The following DCST2 variants were observed in gnomAD, a reference collection of about 807,000 sequenced individuals.
DCST2 encodes DC-STAMP domain-containing protein 2.
Under a neutral mutation model 81.8 loss-of-function variants are expected in DCST2, and 64 were observed. That is an observed-to-expected ratio of 0.78 (90% CI 0.64 to 0.96). The LOEUF (loss-of-function observed/expected upper bound fraction) is 0.96, where lower values mean the gene tolerates loss of function less well. Ranked by LOEUF, DCST2 falls within the 40% of genes least tolerant of loss-of-function variation. The pLI is 0.00. For missense variants in DCST2, 945 were observed against 1,001.4 expected, an observed-to-expected ratio of 0.94 and a Z score of 0.76; for synonymous variants, 354 against 402.6, an observed-to-expected ratio of 0.88 and a Z score of 1.44.
chr1:155,018,861 G>A, intron 14 of DCST2, 101 bp from the exon 15 acceptor site: 1 of 1,207,010 alleles, frequency 8.3e-7, no homozygotes, highest in Non-Finnish European at 1.2e-6. Flanking sequence ...TCCAGCTCCT[G>A]TTCTTTCTGA....
Position 155,030,207 on chromosome 1 carries a change from C to A in DCST2, c.1054G>T (p.Asp352Tyr). The A allele has an allele frequency of 2.5e-6, 4 of 1,614,136 alleles. No individual in the cohort carries two copies. Among genetic ancestry groups the A allele is most frequent in the Non-Finnish European group, 2.5e-6 (3 of 1,180,022 alleles). The stretch of plus-strand genomic sequence containing the variant: ...GTGATGTAGATATTGTCATAATGGT[C>A]CCAGTTCAGGTAACAATACCGGTAA... Reference protein sequence around the residue: ...LFYRYCYLNWDHYDNIYITSR... With the variant: ...LFYRYCYLNWYHYDNIYITSR... Residue 352 changes from aspartate (D) to tyrosine (Y), a missense_variant, in exon 7 of 15, where the codon GAC becomes TAC. Physicochemically the swap from Asp to Tyr is radical, Grantham distance 160. Coordinates refer to ENST00000368424, the MANE Select transcript of DCST2 (RefSeq NM_144622.3).
chr1:155,032,996 A>G, intron 2 of DCST2, 98 bp downstream of exon 2: 1 of 1,345,270 alleles, frequency 7.4e-7, no homozygotes, highest in Admixed American at 2.7e-5. Context: ...CTCCGCGATT[A>G]GCACCAGCAG....
chr1:155,018,739 C>T lies in DCST2; in HGVS notation c.2127G>A (p.Gly709=). The change falls in exon 15 of 15, where the codon GGG becomes GGA. Residue 709 remains glycine (G), a synonymous_variant. Coordinates refer to ENST00000368424, the MANE Select transcript of DCST2 (RefSeq NM_144622.3). ...GCTGCCCGTGCTTCCTCTGCTGAGGCCCCTTCTCCTCATCCAGGTCACTAG... is the reference window on the plus strand; with the variant it reads ...GCTGCCCGTGCTTCCTCTGCTGAGGTCCCTTCTCCTCATCCAGGTCACTAG... The part of the protein sequence containing the change: ...SESSDLDEEK[G]PQQRKHGQQP... 2 of 1,613,306 alleles carry T rather than the reference C, an allele frequency of 1.2e-6. No individual in the cohort carries two copies. The highest frequency in any genetic ancestry group is 1.3e-5 in the African/African-American group (1 of 74,946).
intron 7 of DCST2, 149 bp from the exon 8 acceptor site, chr1:155,029,546 G>T: frequency 1.2e-6 from 1 of 804,426 alleles, no homozygotes; most frequent in Non-Finnish European, 1.9e-6. Context: ...TGAGGACTCT[G>T]GCAAGGATGG....
At chr1:155,026,442 A>G in intron 9 of DCST2, 40 bp from the exon 10 acceptor site, 1 of 1,613,260 alleles carries the variant, frequency 6.2e-7, no homozygotes, top group Non-Finnish European at 8.5e-7. Context: ...ACCAGCAGGC[A>G]CAAGTGCCAG....
intron 10 of DCST2, among the ~76,000 whole-genome samples, chr1:155,025,162 A>AG (rs912029238): frequency 5.3e-5 from 8 of 151,412 alleles, no homozygotes; most frequent in Admixed American, 1.3e-4. Context: ...AAAAAAAAAA[A>AG]AAAGAAAAGA....
chr1:155,031,064 T>C (rs1283040220), intron 5 of DCST2, 105 bp downstream of exon 5: 12 of 1,234,096 alleles, frequency 9.7e-6, no homozygotes, highest in Non-Finnish European at 1.4e-5. Context: ...TTCTCTTACA[T>C]TCTCCTTTAT....
chr1:155,026,994 C>G (rs1243495649), intron 8 of DCST2, among the ~76,000 whole-genome samples: 1 of 151,052 alleles, frequency 6.6e-6, no homozygotes, highest in Non-Finnish European at 1.5e-5. Flanking sequence ...AGTGAGTCCA[C>G]CCCCCGGCCT....
chr1:155,031,142 C>T (rs746032032), intron 5 of DCST2, 27 bp downstream of exon 5: 1 of 1,582,130 alleles, frequency 6.3e-7, no homozygotes, highest in Non-Finnish European at 8.6e-7. Flanking sequence ...TAGGGAGCAC[C>T]ATATGTGGCA....
intron 3 of DCST2, 141 bp from the exon 4 acceptor site, chr1:155,031,912 G>T: frequency 1.1e-6 from 1 of 873,468 alleles, no homozygotes; most frequent in Non-Finnish European, 1.8e-6. Flanking sequence ...GTGAACACTA[G>T]CCAGCGCCCA....
Position 155,024,518 on chromosome 1 carries a change from C to A in DCST2, c.1696G>T (p.Ala566Ser). The change falls in exon 11 of 15, where the codon GCG (alanine) becomes TCG (serine). Residue 566 changes from alanine to serine, a missense_variant. Coordinates refer to ENST00000368424, the MANE Select transcript of DCST2 (RefSeq NM_144622.3). ...GCACTTCTGTGGCCCTGGTCAGCCG[C>A]CCGCCGCCTCACTGATCGGTGCAGG... ...AALHRSVRRR[A>S]ADQGHRSAFL... 1 of 1,608,168 alleles carries A rather than the reference C, an allele frequency of 6.2e-7. No individual in the cohort carries two copies. Among genetic ancestry groups the A allele is most frequent in the Non-Finnish European group, 8.5e-7 (1 of 1,177,190 alleles).
At chr1:155,032,642 GGGAT>G in intron 3 of DCST2, 21 bp downstream of exon 3, 6 of 1,606,898 alleles carry the variant, frequency 3.7e-6, no homozygotes, top group Non-Finnish European at 5.1e-6. Context: ...TTGAGTCCCC[GGGAT>G]AGACATGCTA....
At chr1:155,021,714 T>C (rs1239788278) in intron 14 of DCST2, among the ~76,000 whole-genome samples, 3 of 151,960 alleles carry the variant, frequency 2.0e-5, no homozygotes, top group African/African-American at 7.3e-5. Context: ...CTTCCTGCCC[T>C]AACACCTGCC....
At chr1:155,021,311 A>G (rs1029785247) in intron 14 of DCST2, among the ~76,000 whole-genome samples, 1 of 151,762 alleles carries the variant, frequency 6.6e-6, no homozygotes, top group Non-Finnish European at 1.5e-5. Context: ...AAGTTTTTGT[A>G]TTTTTAGTAG....
intron 8 of DCST2, among the ~76,000 whole-genome samples, chr1:155,026,951 C>G (rs1391062238): frequency 6.6e-6 from 1 of 152,166 alleles, no homozygotes; most frequent in Non-Finnish European, 1.5e-5. Flanking sequence ...TCTTCCTATC[C>G]AAGCCACCAT....
At chr1:155,032,576 C>T (rs1660128447) in intron 3 of DCST2, 91 bp downstream of exon 3, 2 of 1,106,586 alleles carry the variant, frequency 1.8e-6, no homozygotes, top group South Asian at 1.3e-5. Context: ...CTCGGCCTCG[C>T]AAAGTGCTGG....
At chr1:155,029,538 A>G in intron 7 of DCST2, 141 bp from the exon 8 acceptor site, 1 of 848,458 alleles carries the variant, frequency 1.2e-6, no homozygotes, top group Non-Finnish European at 1.8e-6. Flanking sequence ...AGAAGCTGTG[A>G]GGACTCTGGC....
rs370476210 is a variant in DCST2, at chr1:155,027,980, A to G, written c.1342+1253T>C. Among the ~76,000 whole-genome samples the G allele has an allele frequency of 4.6e-5, 7 of 151,844 alleles. No homozygotes were observed. The East Asian group carries it at 1.4e-3, about 30-fold the overall frequency. ...ACTCTTGTTGCCCAGGCTGGAGTGCAGTGGCAGGATCTCGGCTCACTGCAA... is the reference window on the plus strand; with the variant it reads ...ACTCTTGTTGCCCAGGCTGGAGTGCGGTGGCAGGATCTCGGCTCACTGCAA... On this transcript the variant is annotated intron_variant, in intron 8 of 14. Coordinates refer to ENST00000368424, the MANE Select transcript of DCST2 (RefSeq NM_144622.3).
At chr1:155,031,533 C>CCCCA in intron 4 of DCST2, 41 bp downstream of exon 4, 2 of 1,557,516 alleles carry the variant, frequency 1.3e-6, no homozygotes, top group Non-Finnish European at 1.8e-6. Flanking sequence ...CACCCCACCC[C>CCCCA]ACATCGGCTC....
Sources: allele counts gnomAD v4.1 joint callset (sites outside exome capture counted in the v4.1 genomes callset), GRCh38; gene constraint gnomAD v4.1.1; transcripts MANE v1.5; gene names NCBI Gene and HGNC (gene_info 2026-07-23, HGNC 2026-07-21).